The following KCTD8 variants were observed in gnomAD, a reference collection of about 807,000 sequenced individuals.
KCTD8 encodes the protein BTB/POZ domain-containing protein KCTD8.
In KCTD8, 27 loss-of-function variants were observed where a neutral mutation model predicts 31.5. That is an observed-to-expected ratio of 0.86 (90% CI 0.63 to 1.18). The LOEUF (loss-of-function observed/expected upper bound fraction) is 1.18, where lower values mean the gene tolerates loss of function less well. Among genes scored for constraint, KCTD8 ranks in the 50% most tolerant of loss-of-function variants. The probability of loss-of-function intolerance (pLI) is 0.00; values close to 1 mark genes in which losing one functional copy is unlikely to be tolerated. For missense variants in KCTD8, 658 were observed against 647.7 expected, an observed-to-expected ratio of 1.02 and a Z score of -0.17; for synonymous variants, 290 against 280.0, an observed-to-expected ratio of 1.04 and a Z score of -0.36.
intron 1 of KCTD8, among the ~76,000 whole-genome samples, chr4:44,204,094 A>T (rs1294179343): frequency 1.3e-5 from 2 of 152,110 alleles, no homozygotes; most frequent in African/African-American, 4.8e-5. Context: ...AACAACAAAA[A>T]TAATATAATT....
At chr4:44,443,211 T>C (rs985977070) in intron 1 of KCTD8, among the ~76,000 whole-genome samples, 2 of 152,196 alleles carry the variant, frequency 1.3e-5, no homozygotes, top group African/African-American at 4.8e-5. Flanking sequence ...ACATTGTAAT[T>C]GTAAAAATAA....
chr4:44,335,306 A>C (rs1422636135), intron 1 of KCTD8, among the ~76,000 whole-genome samples: 1 of 152,156 alleles, frequency 6.6e-6, no homozygotes, highest in Non-Finnish European at 1.5e-5. Context: ...TGTTATTAAT[A>C]TTTTAATCTA....
chr4:44,448,492 C>G lies in KCTD8; in HGVS notation c.32G>C (p.Ser11Thr). Residue 11 changes from serine (S) to threonine (T), a missense_variant, in exon 1 of 2, where the codon AGC becomes ACC. Ser to Thr is a moderately conservative substitution (Grantham distance 58, BLOSUM62 1). Coordinates refer to ENST00000360029, the MANE Select transcript of KCTD8 (RefSeq NM_198353.3). This position sits in a 1 kb window ranked among gnomAD's most constrained non-coding sequence, Gnocchi z 4.1. ...CATCTCGCTAATGGGCAGGATGGTGCTGCCGCCGCTGCCCGTGTCCTTCAG... is the reference window on the plus strand; with the variant it reads ...CATCTCGCTAATGGGCAGGATGGTGGTGCCGCCGCTGCCCGTGTCCTTCAG... Reference protein sequence around the residue: MALKDTGSGGSTILPISEMVS... With the variant: MALKDTGSGGTTILPISEMVS... 6.7e-7 allele frequency: 1 copy of G among 1,499,092 alleles called. No homozygotes were observed. 92.9% of individuals were successfully genotyped at this position (1,499,092 alleles called of 1,614,324 possible).
intron 1 of KCTD8, among the ~76,000 whole-genome samples, chr4:44,290,864 G>A (rs540302763): frequency 6.4e-4 from 98 of 152,124 alleles, no homozygotes; most frequent in Non-Finnish European, 1.1e-3. Context: ...AAGTTAGAAA[G>A]ATCTCAAATT....
intron 1 of KCTD8, among the ~76,000 whole-genome samples, chr4:44,381,257 C>T (rs2109442767): frequency 6.6e-6 from 1 of 152,072 alleles, no homozygotes; most frequent in East Asian, 1.9e-4. Context: ...AAAATGAATG[C>T]TTATCTCCAA....
At chr4:44,305,716 AGTATATGTGTGTATGTTTACAATT>A (rs1237297164) in intron 1 of KCTD8, among the ~76,000 whole-genome samples, 1 of 151,916 alleles carries the variant, frequency 6.6e-6, no homozygotes, top group Non-Finnish European at 1.5e-5. Flanking sequence ...TGATTGATAT[AGTATATGTGTGTATGTTTACAATT>A]TTTTACCCCA....
chr4:44,271,618 G>A (rs1352634653), intron 1 of KCTD8, among the ~76,000 whole-genome samples: 1 of 152,098 alleles, frequency 6.6e-6, no homozygotes, highest in Non-Finnish European at 1.5e-5. Context: ...AGGAACACCT[G>A]GCCCACCCAG....
intron 1 of KCTD8, among the ~76,000 whole-genome samples, chr4:44,209,849 GA>G (rs1342166370): frequency 6.6e-6 from 1 of 152,100 alleles, no homozygotes; most frequent in African/African-American, 2.4e-5. Flanking sequence ...ACATATATGG[GA>G]AGAGCTGCAT....
intron 1 of KCTD8, among the ~76,000 whole-genome samples, chr4:44,196,551 C>T (rs1410286014): frequency 1.3e-5 from 2 of 152,146 alleles, no homozygotes; most frequent in Admixed American, 6.5e-5. Context: ...TAAATACTGA[C>T]TCTTCAGGTG....
chr4:44,326,753 G>A (rs954922261), intron 1 of KCTD8, among the ~76,000 whole-genome samples: 1 of 151,564 alleles, frequency 6.6e-6, no homozygotes, highest in Non-Finnish European at 1.5e-5. Flanking sequence ...TATTTACTAT[G>A]TATATCCATG....
chr4:44,177,949 G>A (rs1434532784), intron 1 of KCTD8, among the ~76,000 whole-genome samples: 2 of 152,052 alleles, frequency 1.3e-5, no homozygotes, highest in Admixed American at 6.5e-5. Flanking sequence ...GACCCACTCT[G>A]GCCACCAGCC....
chr4:44,279,439 A>G (rs1272912524), intron 1 of KCTD8, among the ~76,000 whole-genome samples: 1 of 151,968 alleles, frequency 6.6e-6, no homozygotes. Flanking sequence ...TGGAGTCCCA[A>G]TGCTTCAAGT....
At chr4:44,203,125 C>G (rs986402834) in intron 1 of KCTD8, among the ~76,000 whole-genome samples, 2 of 152,080 alleles carry the variant, frequency 1.3e-5, no homozygotes, top group African/African-American at 4.8e-5. Context: ...TGCCACATAC[C>G]AAAATCTGTA....
intron 1 of KCTD8, among the ~76,000 whole-genome samples, chr4:44,372,213 A>G (rs1252223022): frequency 1.3e-5 from 2 of 152,210 alleles, no homozygotes; most frequent in East Asian, 3.8e-4. Context: ...AGAAAAAAAC[A>G]AACAGATGTA....
intron 1 of KCTD8, among the ~76,000 whole-genome samples, chr4:44,235,611 T>G (rs914562030): frequency 7.7e-6 from 1 of 129,266 alleles, no homozygotes; most frequent in Non-Finnish European, 1.6e-5. Flanking sequence ...AGAGTATGAG[T>G]AAAATCCACT....
chr4:44,311,888 C>T (rs1163992669), intron 1 of KCTD8, among the ~76,000 whole-genome samples: 1 of 150,108 alleles, frequency 6.7e-6, no homozygotes, highest in Non-Finnish European at 1.5e-5. Context: ...ATGGACTGAA[C>T]TAGTACAGAG....
chr4:44,265,143 C>A (rs566866296), intron 1 of KCTD8, among the ~76,000 whole-genome samples: 2 of 152,142 alleles, frequency 1.3e-5, no homozygotes, highest in African/African-American at 4.8e-5. Context: ...AGGCACCCCC[C>A]AGTAGGGGCA....
intron 1 of KCTD8, among the ~76,000 whole-genome samples, chr4:44,405,954 G>A (rs1341642633): frequency 6.6e-6 from 1 of 151,572 alleles, no homozygotes; most frequent in African/African-American, 2.4e-5. Flanking sequence ...CATGCTAGAA[G>A]ACTGACATCA....
chr4:44,176,638 C>A (rs973981544), intron 1 of KCTD8, among the ~76,000 whole-genome samples: 2 of 151,902 alleles, frequency 1.3e-5, no homozygotes, highest in Admixed American at 1.3e-4. Flanking sequence ...TGCCAAATAT[C>A]GAATTAAAGA....
Sources: allele counts gnomAD v4.1 joint callset (sites outside exome capture counted in the v4.1 genomes callset), GRCh38; gene constraint gnomAD v4.1.1; non-coding constraint Gnocchi (gnomAD v3.1); transcripts MANE v1.5; gene names NCBI Gene and HGNC (gene_info 2026-07-23, HGNC 2026-07-21).